CHEK1: variants seen among roughly 807,000 people sequenced by gnomAD.
CHEK1 encodes serine/threonine-protein kinase Chk1.
Under a neutral mutation model 60.2 loss-of-function variants are expected in CHEK1, and 32 were observed. That is an observed-to-expected ratio of 0.53 (90% CI 0.40 to 0.71). CHEK1 has a LOEUF of 0.71. Among genes scored for constraint, CHEK1 ranks in the 30% least tolerant of loss-of-function variants. The pLI is 0.00. For missense variants in CHEK1, 399 were observed against 564.6 expected (o/e 0.71, Z 2.97); for synonymous variants, 179 against 187.2 (o/e 0.96, Z 0.36).
At position 125,649,215 on chromosome 11, in the gene CHEK1, G is replaced by A. The variant is rs540395214; in HGVS notation, c.1234-4531G>A. On this transcript the variant is annotated intron_variant, in intron 11 of 12. Coordinates refer to ENST00000438015, the MANE Select transcript of CHEK1 (RefSeq NM_001114122.3). The stretch of plus-strand genomic sequence containing the variant: ...TTTTTAGATGGAGTCTCACTATGTT[G>A]CCTAGGCTAGACTGTAGTGGCTACT... Among the ~76,000 whole-genome samples, 17 of 152,116 alleles carry A rather than the reference G, an allele frequency of 1.1e-4. No homozygotes were observed. The South Asian group carries it at 3.3e-3, about 30-fold the overall frequency.
chr11:125,627,872 A>G, intron 3 of CHEK1, 42 bp downstream of exon 3: 2 of 1,441,940 alleles, frequency 1.4e-6, no homozygotes, highest in Non-Finnish European at 1.9e-6. Flanking sequence ...ACAAGTTTTT[A>G]AATTTGTTTT....
chr11:125,662,490 T>A (rs1942035148), intron 13 of CHEK1, among the ~76,000 whole-genome samples: 1 of 152,214 alleles, frequency 6.6e-6, no homozygotes, highest in Non-Finnish European at 1.5e-5. Context: ...ATAAATAAAA[T>A]CACATAGTAT....
At chr11:125,664,316 C>CTCCA (rs1942062737) in intron 13 of CHEK1, among the ~76,000 whole-genome samples, 1 of 151,004 alleles carries the variant, frequency 6.6e-6, no homozygotes, top group Admixed American at 6.6e-5. Flanking sequence ...TCACTGCAAC[C>CTCCA]TCCACCTCCT....
intron 8 of CHEK1, chr11:125,642,913 AAAAGG>A (rs1424843704): frequency 1.3e-5 from 2 of 152,142 alleles, no homozygotes; most frequent in Non-Finnish European, 2.9e-5. Context: ...CCTTGTGGAG[AAAAGG>A]AAAGGAAACT....
downstream of CHEK1, among the ~76,000 whole-genome samples, chr11:125,678,748 G>A (rs375378915): frequency 9.2e-5 from 14 of 152,042 alleles, no homozygotes; most frequent in South Asian, 1.3e-3. Context: ...GAGAAAGCAA[G>A]TAGTTTTCAA....
At chr11:125,637,136 G>A (rs1441992375) in intron 7 of CHEK1, among the ~76,000 whole-genome samples, 3 of 152,160 alleles carry the variant, frequency 2.0e-5, no homozygotes, top group Non-Finnish European at 4.4e-5. Context: ...ATGAAATTCG[G>A]TATTGAAAAT....
intron 13 of CHEK1, among the ~76,000 whole-genome samples, chr11:125,669,307 AT>A (rs1164305278): frequency 6.6e-6 from 1 of 151,994 alleles, no homozygotes; most frequent in Non-Finnish European, 1.5e-5. Context: ...TGGAGATAAC[AT>A]TCTGCTGACA....
At chr11:125,678,296 TC>T (rs1209220873), downstream of CHEK1, 1 of 1,613,276 alleles carries the variant, frequency 6.2e-7, no homozygotes, top group Non-Finnish European at 8.5e-7. Context: ...GACTTGATGT[TC>T]CTGGGATGGA....
downstream of CHEK1, among the ~76,000 whole-genome samples, chr11:125,658,685 CTTTTTTTTTTTTT>C (rs67342073): frequency 5.7e-5 from 2 of 34,880 alleles, no homozygotes; most frequent in Non-Finnish European, 9.9e-5. Flanking sequence ...ATGGCTTTTG[CTTTTTTTTTTTTT>C]TTTTTTTTTT....
At chr11:125,676,583 A>G (rs1301967654), downstream of CHEK1, 2 of 1,387,628 alleles carry the variant, frequency 1.4e-6, no homozygotes, top group African/African-American at 2.9e-5. Context: ...TGGATACTAC[A>G]CATTTATTTC....
intron 2 of CHEK1, 116 bp from the exon 3 acceptor site, chr11:125,627,491 T>G (rs1363176400): frequency 1.3e-6 from 1 of 785,986 alleles, no homozygotes; most frequent in African/African-American, 1.8e-5. Context: ...CTTCCTTGGT[T>G]TCTCCTTTGT....
At chr11:125,651,056 G>C (rs1368901533) in intron 11 of CHEK1, among the ~76,000 whole-genome samples, 1 of 152,000 alleles carries the variant, frequency 6.6e-6, no homozygotes, top group African/African-American at 2.4e-5. Flanking sequence ...TGTCTTTTTA[G>C]ATTCCCAGGT....
In CHEK1 at chr11:125,625,310, C is replaced by T. The variant is rs947704554; in HGVS notation, c.-723C>T. 1 of 225,478 alleles carries T rather than the reference C, an allele frequency of 4.4e-6. No individual in the cohort carries two copies. The highest frequency in any genetic ancestry group is 8.6e-6 in the Non-Finnish European group (1 of 115,608). 14.0% of individuals were successfully genotyped at this position (225,478 alleles called of 1,614,324 possible). A position where few individuals can be genotyped will look rare whatever the true frequency, so the allele number is the denominator to read the frequency against. On this transcript the variant is annotated 5_prime_UTR_variant, in exon 1 of 13. Coordinates refer to ENST00000438015, the MANE Select transcript of CHEK1 (RefSeq NM_001114122.3). ...ACAGAAAAAAGGCAAAACTGGTTAT[C>T]CTGACTTCAAGCTCCAACATAAACT...
intron 8 of CHEK1, 41 bp from the exon 9 acceptor site, chr11:125,643,751 A>C: frequency 6.6e-7 from 1 of 1,508,388 alleles, no homozygotes; most frequent in Non-Finnish European, 9.1e-7. Context: ...ACATACTTGC[A>C]TAGAAGACTT....
intron 2 of CHEK1, 74 bp from the exon 3 acceptor site, chr11:125,627,533 A>G: frequency 7.8e-7 from 1 of 1,278,460 alleles, no homozygotes; most frequent in Non-Finnish European, 1.1e-6. Context: ...ATCGTTTTGG[A>G]TGAGTCATGT....
chr11:125,629,998 A>G (rs1286837295), intron 5 of CHEK1, among the ~76,000 whole-genome samples: 1 of 152,154 alleles, frequency 6.6e-6, no homozygotes, highest in East Asian at 1.9e-4. Context: ...TGTTGGGATT[A>G]TAGACGTGAG....
intron 13 of CHEK1, among the ~76,000 whole-genome samples, chr11:125,666,912 T>C (rs1942109058): frequency 6.6e-6 from 1 of 152,108 alleles, no homozygotes; most frequent in Non-Finnish European, 1.5e-5. Flanking sequence ...CAGGATATAG[T>C]TGAATCTTGA....
At chr11:125,631,195 G>C (rs1048283155) in intron 5 of CHEK1, among the ~76,000 whole-genome samples, 3 of 151,998 alleles carry the variant, frequency 2.0e-5, no homozygotes, top group Non-Finnish European at 4.4e-5. Flanking sequence ...ATAGAGCATT[G>C]TTTTTCTAAA....
downstream of CHEK1, chr11:125,677,748 C>T (rs200664472): frequency 4.6e-5 from 74 of 1,603,168 alleles, no homozygotes; most frequent in Non-Finnish European, 1.1e-5. Flanking sequence ...ATGTGTTCCC[C>T]ATTTCCCACC....
Sources: gnomAD v4.1 joint callset for allele counts (sites outside exome capture counted in the v4.1 genomes callset) on GRCh38, gnomAD v4.1.1 for gene constraint, MANE v1.5 for transcripts, NCBI Gene and HGNC (gene_info 2026-07-23, HGNC 2026-07-21) for gene names.